Variants in SCEL observed in about 807,000 individuals in gnomAD.
SCEL encodes sciellin.
SCEL carries 113 observed loss-of-function variants against 117.6 expected under a neutral mutation model. The observed-to-expected ratio is 0.96, with a 90% confidence interval of 0.83 to 1.12. The LOEUF is 1.12. Ranked by LOEUF, SCEL falls within the 50% of genes most tolerant of loss-of-function variation. The pLI, the probability that SCEL is intolerant of heterozygous loss-of-function variation, is 0.00. For missense variants in SCEL, 785 were observed against 810.8 expected (o/e 0.97, Z 0.39); for synonymous variants, 270 against 256.2 (o/e 1.05, Z -0.51).
intron 31 of SCEL, 98 bp from the exon 32 acceptor site, chr13:77,642,608 C>T: frequency 1.6e-6 from 1 of 643,526 alleles, no homozygotes; most frequent in Admixed American, 3.3e-5. Flanking sequence ...ATAAACATCC[C>T]TTAAAAGTGC....
chr13:77,540,344 G>A (rs907438399), intron 1 of SCEL, among the ~76,000 whole-genome samples: 1 of 152,098 alleles, frequency 6.6e-6, no homozygotes, highest in Non-Finnish European at 1.5e-5. Context: ...AATGTGTGCG[G>A]GTGTGAGTAT....
intron 30 of SCEL, among the ~76,000 whole-genome samples, chr13:77,639,888 C>T (rs2090479670): frequency 6.6e-6 from 1 of 151,972 alleles, no homozygotes; most frequent in Admixed American, 6.6e-5. Context: ...TTAAGAGTGT[C>T]CTAAGACCTT....
chr13:77,554,699 G>GGC (rs1489825336), intron 1 of SCEL, among the ~76,000 whole-genome samples: 3 of 152,136 alleles, frequency 2.0e-5, no homozygotes, highest in Admixed American at 6.5e-5. Flanking sequence ...GGAAGTAGAT[G>GGC]GCAGGTTTCA....
rs1423925860 is a variant in SCEL at position 77,617,609 on chromosome 13, C to T, written c.1462C>T (p.Leu488Phe). Residue 488 changes from leucine (L) to phenylalanine (F), a missense_variant, in exon 25 of 33, where the codon CTT becomes TTT. Physicochemically the swap from Leu to Phe is conservative, Grantham distance 22. Coordinates refer to ENST00000349847, the MANE Select transcript of SCEL (RefSeq NM_144777.3). The part of the protein sequence containing the change: ...AVKNTDGKQD[L>F]DKLIKVNPEI... Reference sequence around the variant, plus strand: ...TTTTTCCACTTAAAGAAAACAAGATCTTGATAAACTCATCAAGGTGAATCC... The same window carrying T: ...TTTTTCCACTTAAAGAAAACAAGATTTTGATAAACTCATCAAGGTGAATCC... 6.3e-7 allele frequency: 1 copy of T among 1,590,350 alleles called. No individual in the cohort carries two copies. Among genetic ancestry groups the T allele is most frequent in the African/African-American group, 1.4e-5 (1 of 73,884 alleles).
chr13:77,556,330 TCTC>T (rs1276763067), intron 2 of SCEL, among the ~76,000 whole-genome samples: 1 of 152,204 alleles, frequency 6.6e-6, no homozygotes, highest in Non-Finnish European at 1.5e-5. Context: ...GGCTGGGAGT[TCTC>T]CTTTCCCAGG....
At chr13:77,543,376 C>T (rs1453829176) in intron 1 of SCEL, among the ~76,000 whole-genome samples, 2 of 152,216 alleles carry the variant, frequency 1.3e-5, no homozygotes, top group African/African-American at 4.8e-5. Flanking sequence ...AGCCACCGCG[C>T]CCGGCCAACT....
chr13:77,591,540 C>A, intron 11 of SCEL, 80 bp downstream of exon 11: 2 of 792,244 alleles, frequency 2.5e-6, no homozygotes, highest in Non-Finnish European at 4.2e-6. Context: ...AAATGCAAGG[C>A]AATTAATAAT....
chr13:77,597,616 AT>A (rs1387683955), intron 13 of SCEL, 27 bp downstream of exon 13: 1 of 1,299,378 alleles, frequency 7.7e-7, no homozygotes, highest in South Asian at 1.3e-5. Flanking sequence ...TTTATCTTTT[AT>A]TACTGAGTTG....
intron 7 of SCEL, among the ~76,000 whole-genome samples, chr13:77,569,099 T>A (rs2085450215): frequency 6.6e-6 from 1 of 152,246 alleles, no homozygotes; most frequent in African/African-American, 2.4e-5. Context: ...CACGCCAGAA[T>A]TGATTTGTCT....
At chr13:77,593,417 CTATT>C in intron 11 of SCEL, 93 bp from the exon 12 acceptor site, 5 of 847,138 alleles carry the variant, frequency 5.9e-6, no homozygotes, top group South Asian at 1.5e-5. Context: ...ACCACCTAGA[CTATT>C]TACTTTATTT....
intron 28 of SCEL, among the ~76,000 whole-genome samples, chr13:77,633,788 A>T (rs968486295): frequency 6.6e-6 from 1 of 152,216 alleles, no homozygotes; most frequent in Non-Finnish European, 1.5e-5. Context: ...AGAAATTTCT[A>T]ATTTTATGTG....
At chr13:77,613,077 C>T (rs2088782894) in intron 23 of SCEL, 136 bp downstream of exon 23, 2 of 571,438 alleles carry the variant, frequency 3.5e-6, no homozygotes, top group Non-Finnish European at 6.2e-6. Context: ...TGTAATAATG[C>T]TGGATAGATT....
intron 20 of SCEL, among the ~76,000 whole-genome samples, chr13:77,608,466 G>A (rs1458148153): frequency 6.6e-6 from 1 of 152,132 alleles, no homozygotes; most frequent in East Asian, 1.9e-4. Flanking sequence ...CAGGCATGGT[G>A]GAGTGCACCT....
chr13:77,620,969 C>T (rs1274764472), intron 27 of SCEL, among the ~76,000 whole-genome samples: 1 of 152,112 alleles, frequency 6.6e-6, no homozygotes, highest in African/African-American at 2.4e-5. Flanking sequence ...TGGGGACAAC[C>T]TTGACGCTTT....
At chr13:77,554,814 A>G (rs180715072) in intron 1 of SCEL, among the ~76,000 whole-genome samples, 2 of 152,212 alleles carry the variant, frequency 1.3e-5, no homozygotes, top group Admixed American at 6.5e-5. Context: ...TGCCCCTCCT[A>G]TGGTCCATAC....
intron 19 of SCEL, among the ~76,000 whole-genome samples, chr13:77,607,103 A>G (rs1280294820): frequency 6.6e-6 from 1 of 152,094 alleles, no homozygotes; most frequent in African/African-American, 2.4e-5. Flanking sequence ...CAGTGGTGCA[A>G]TCACAGCTCA....
At chr13:77,551,599 CTT>C (rs1476427034) in intron 1 of SCEL, among the ~76,000 whole-genome samples, 1 of 152,112 alleles carries the variant, frequency 6.6e-6, no homozygotes, top group Non-Finnish European at 1.5e-5. Flanking sequence ...TCTGGTGTCT[CTT>C]TGTGTTTCGA....
rs1388411495 is a variant in SCEL at position 77,607,172 on chromosome 13, A to G, written c.1158-884A>G. 4.6e-5 allele frequency among the ~76,000 whole-genome samples: 7 copies of G among 152,140 alleles called. No homozygotes were observed. The East Asian group carries it at 1.2e-3, about 25-fold the overall frequency. On this transcript the variant is annotated intron_variant, in intron 19 of 32. Transcript: ENST00000349847. ...TTCTCACCTCAGCCACATGAGCCAC[A>G]TGAGTAGCTGGAGCCACAGGTGTGC...
chr13:77,640,096 AT>A (rs1227151205), intron 30 of SCEL, among the ~76,000 whole-genome samples: 1 of 151,982 alleles, frequency 6.6e-6, no homozygotes, highest in Non-Finnish European at 1.5e-5. Flanking sequence ...GAGGGTATAA[AT>A]TTTGTCACGA....
Sources: gnomAD v4.1 joint callset for allele counts (sites outside exome capture counted in the v4.1 genomes callset) on GRCh38, gnomAD v4.1.1 for gene constraint, MANE v1.5 for transcripts, NCBI Gene and HGNC (gene_info 2026-07-23, HGNC 2026-07-21) for gene names.